The following LRRC52 variants were observed in gnomAD, a reference collection of about 807,000 sequenced individuals.
LRRC52 encodes leucine rich repeat containing 52.
A neutral mutation model predicts 14.7 loss-of-function variants in LRRC52; 15 were observed. That is an observed-to-expected ratio of 1.02 (90% CI 0.68 to 1.58). LRRC52 has a LOEUF of 1.58. Among genes scored for constraint, LRRC52 ranks in the 40% most tolerant of loss-of-function variants. The pLI is 0.00. For synonymous variants in LRRC52, 180 were observed against 163.9 expected (o/e 1.10, Z -0.75); for missense variants, 400 against 387.7 (o/e 1.03, Z -0.27).
At chr1:165,559,941 G>T (rs535272647) in intron 1 of LRRC52, among the ~76,000 whole-genome samples, 5 of 152,316 alleles carry the variant, frequency 3.3e-5, no homozygotes, top group African/African-American at 1.2e-4. Context: ...GTGGGAAGCA[G>T]CCCTGGCCAG....
At chr1:165,545,680 G>A (rs938261319) in intron 1 of LRRC52, among the ~76,000 whole-genome samples, 1 of 152,118 alleles carries the variant, frequency 6.6e-6, no homozygotes, top group African/African-American at 2.4e-5. Context: ...TCTACCCGCT[G>A]TCCTCACCCG....
chr1:165,553,528 T>C (rs1661177135), intron 1 of LRRC52, among the ~76,000 whole-genome samples: 1 of 152,000 alleles, frequency 6.6e-6, no homozygotes, highest in Non-Finnish European at 1.5e-5. Context: ...AGAAAACAAA[T>C]GAAGAAGGAG....
Position 165,544,339 on chromosome 1 carries a change from T to G in LRRC52, c.43T>G (p.Ser15Ala). 1 of 1,614,024 alleles carries G rather than the reference T, an allele frequency of 6.2e-7. No individual in the cohort carries two copies. Among genetic ancestry groups the G allele is most frequent in the Non-Finnish European group, 8.5e-7 (1 of 1,180,014 alleles). The change falls in exon 1 of 2, where the codon TCC becomes GCC. Residue 15 changes from serine (S) to alanine (A), a missense_variant. Transcript: ENST00000294818. ...SGPGPGWLLF[S>A]FGMGLVSGSK... ...CCCTGGCCCTGGGTGGTTACTCTTT[T>G]CCTTTGGAATGGGGCTGGTATCAGG... is the stretch of plus-strand genomic sequence containing the variant.
chr1:165,544,372 T>C lies in LRRC52; in HGVS notation c.76T>C (p.Cys26Arg). 2 of 1,614,084 alleles carry C rather than the reference T, an allele frequency of 1.2e-6. No individual in the cohort carries two copies. Among genetic ancestry groups the C allele is most frequent in the Non-Finnish European group, 1.7e-6 (2 of 1,179,996 alleles). Residue 26 changes from cysteine to arginine, a missense_variant, in exon 1 of 2, where the codon TGT becomes CGT. Coordinates refer to ENST00000294818, the MANE Select transcript of LRRC52 (RefSeq NM_001005214.4). ...FGMGLVSGSKCPNNCLCQAQE... is the reference protein window; with the variant it reads ...FGMGLVSGSKRPNNCLCQAQE... ...AATGGGGCTGGTATCAGGGTCAAAG[T>C]GTCCAAATAATTGTCTGTGTCAAGC...
At chr1:165,561,330 C>T (rs1302805043) in intron 1 of LRRC52, among the ~76,000 whole-genome samples, 2 of 152,206 alleles carry the variant, frequency 1.3e-5, no homozygotes, top group Non-Finnish European at 2.9e-5. Flanking sequence ...ACATCCCAGA[C>T]CCTCCGAATC....
chr1:165,548,220 T>C (rs993042761), intron 1 of LRRC52, among the ~76,000 whole-genome samples: 6 of 152,212 alleles, frequency 3.9e-5, no homozygotes, highest in African/African-American at 1.4e-4. Flanking sequence ...ATTTTCACTG[T>C]AGTGTAATAT....
At chr1:165,554,269 G>A (rs189733648) in intron 1 of LRRC52, among the ~76,000 whole-genome samples, 14 of 152,208 alleles carry the variant, frequency 9.2e-5, no homozygotes, top group South Asian at 6.2e-4. Flanking sequence ...TGCAGAGGAC[G>A]GGTAAAGCAA....
chr1:165,546,123 A>G (rs1420110678), intron 1 of LRRC52, among the ~76,000 whole-genome samples: 3 of 152,024 alleles, frequency 2.0e-5, no homozygotes, highest in Non-Finnish European at 2.9e-5. Flanking sequence ...TGGCTTCCCA[A>G]TGGGTGTGTC....
intron 1 of LRRC52, among the ~76,000 whole-genome samples, chr1:165,549,200 T>A (rs558552873): frequency 1.3e-5 from 2 of 152,312 alleles, no homozygotes; most frequent in East Asian, 3.9e-4. Flanking sequence ...GCCTGGGCCA[T>A]GAGACTTGGG....
At chr1:165,545,434 A>T (rs1661001289) in intron 1 of LRRC52, among the ~76,000 whole-genome samples, 1 of 152,170 alleles carries the variant, frequency 6.6e-6, no homozygotes, top group Non-Finnish European at 1.5e-5. Flanking sequence ...TAACATAAAG[A>T]TGGAAGGAGG....
Position 165,544,229 on chromosome 1 carries a change from C to CCCCCCCCCAGG in LRRC52, c.-68_-67insCCCCCCCCAGG. ...CCCCTCCCCCGCCCCACCCCCCCAC[C>CCCCCCCCCAGG]GGCAGCCTTCGGATCAGAGGACAGA... On this transcript the variant is annotated 5_prime_UTR_variant, in exon 1 of 2. Coordinates refer to ENST00000294818, the MANE Select transcript of LRRC52 (RefSeq NM_001005214.4). 2.0e-6 allele frequency: 3 copies of CCCCCCCCCAGG among 1,476,568 alleles called. No homozygotes were observed. Among genetic ancestry groups the CCCCCCCCCAGG allele is most frequent in the Non-Finnish European group, 2.7e-6 (3 of 1,101,700 alleles). The allele number at this position is 1,476,568 out of a possible 1,614,324, so 91.5% of individuals were successfully genotyped here.
intron 1 of LRRC52, among the ~76,000 whole-genome samples, chr1:165,545,618 TA>T (rs1191247948): frequency 1.7e-3 from 1 of 602 alleles, no homozygotes; most frequent in South Asian, 0.056. Flanking sequence ...GTCTTACAGG[TA>T]GATAGATGCT....
rs758046621 is a variant in LRRC52, at chr1:165,544,935, G to A, written c.622+17G>A. On this transcript the variant is annotated intron_variant, in intron 1 of 1. Transcript: ENST00000294818. ...ACCCCTCAGGTGAGGGCTTGATTGG[G>A]TGTGGGGAAGAGGATGTGATTGAAG... 1.9e-6 allele frequency: 3 copies of A among 1,609,458 alleles called. No individual in the cohort carries two copies. Among genetic ancestry groups the A allele is most frequent in the Admixed American group, 1.7e-5 (1 of 59,802 alleles).
intron 1 of LRRC52, 128 bp from the exon 2 acceptor site, chr1:165,563,377 A>T (rs747517775): frequency 2.6e-6 from 2 of 755,588 alleles, no homozygotes; most frequent in Non-Finnish European, 4.2e-6. Context: ...GGTGATGTCG[A>T]TGCTGCTGGC....
chr1:165,563,741 G>A lies in LRRC52; in HGVS notation c.859G>A (p.Glu287Lys), dbSNP rs568163251. 1.5e-5 allele frequency: 24 copies of A among 1,614,124 alleles called. No individual in the cohort carries two copies. The East Asian group carries it at 2.2e-4, about 15-fold the overall frequency. ...RHKSSEEDED[E>K]AGTRVEVSRR... ...CAAGTCGAGTGAAGAAGATGAGGAC[G>A]AGGCCGGGACTAGGGTGGAAGTCAG... Residue 287 changes from glutamate (E) to lysine (K), a missense_variant, in exon 2 of 2, where the codon GAG (glutamate) becomes AAG (lysine). Glu to Lys is a moderately conservative substitution (Grantham distance 56, BLOSUM62 1). Transcript: ENST00000294818.
Position 165,563,646 on chromosome 1 carries a change from T to C in LRRC52, c.764T>C (p.Ile255Thr). The C allele has an allele frequency of 1.2e-6, 2 of 1,614,230 alleles. No individual in the cohort carries two copies. The highest frequency in any genetic ancestry group is 2.2e-5 in the South Asian group (2 of 91,086). The change falls in exon 2 of 2, where the codon ATC becomes ACC. Residue 255 changes from isoleucine to threonine, a missense_variant. Physicochemically the swap from Ile to Thr is moderately conservative, Grantham distance 89. Transcript: ENST00000294818. ...YIFLLLIGFCIFAAGTVAAWL... is the reference protein window; with the variant it reads ...YIFLLLIGFCTFAAGTVAAWL... ...TTCCTGCTGCTCATCGGCTTCTGCA[T>C]CTTCGCCGCGGGAACTGTGGCTGCC... is the stretch of plus-strand genomic sequence containing the variant.
chr1:165,545,039 T>C (rs1660991602), intron 1 of LRRC52, 121 bp downstream of exon 1: 1 of 1,276,598 alleles, frequency 7.8e-7, no homozygotes, highest in East Asian at 2.3e-5. Flanking sequence ...TGCATTCTTA[T>C]TACTCTGCAG....
In LRRC52 at chr1:165,544,556, A is replaced by T; in HGVS notation, c.260A>T (p.Asn87Ile). The T allele has an allele frequency of 1.2e-6, 2 of 1,614,008 alleles. No individual in the cohort carries two copies. The highest frequency in any genetic ancestry group is 1.7e-6 in the Non-Finnish European group (2 of 1,180,016). ...CTTGTTTATTTGGACTGTCAGAACA[A>T]CCGGATTCGAGAGGTGATGGATTAT... ...SDLVYLDCQNNRIREVMDYTF... is the reference protein window; with the variant it reads ...SDLVYLDCQNIRIREVMDYTF... Residue 87 changes from asparagine to isoleucine, a missense_variant, in exon 1 of 2, where the codon AAC (asparagine) becomes ATC (isoleucine). Transcript: ENST00000294818.
intron 1 of LRRC52, among the ~76,000 whole-genome samples, chr1:165,556,324 CT>C (rs1236268840): frequency 6.6e-6 from 1 of 152,238 alleles, no homozygotes; most frequent in Non-Finnish European, 1.5e-5. Context: ...AAGGTCTCAT[CT>C]CCATGTTCCA....
Sources: gnomAD v4.1 joint callset for allele counts (sites outside exome capture counted in the v4.1 genomes callset) on GRCh38, gnomAD v4.1.1 for gene constraint, MANE v1.5 for transcripts, NCBI Gene and HGNC (gene_info 2026-07-23, HGNC 2026-07-21) for gene names.